Variants in VCAN observed in about 807,000 individuals in gnomAD.
The protein encoded by VCAN is versican.
VCAN carries 44 observed loss-of-function variants against 245.5 expected under a neutral mutation model. The ratio of observed to expected loss-of-function variants is 0.18; its 90% CI spans 0.14 to 0.23. The LOEUF is 0.23. Among genes scored for constraint, VCAN ranks in the 10% least tolerant of loss-of-function variants. The pLI is 1.00. For synonymous variants in VCAN, 1,413 were observed against 1,437.0 expected (o/e 0.98, Z 0.38); for missense variants, 3,793 against 4,057.9 (o/e 0.93, Z 1.77).
rs568846996 is a variant in VCAN at position 83,496,014 on chromosome 5, A to T, written c.748+2083A>T. Among the ~76,000 whole-genome samples the T allele has an allele frequency of 8.9e-4, 135 of 152,292 alleles. 1 individual carries two copies. The highest frequency in any genetic ancestry group is 1.6e-3 in the Non-Finnish European group (111 of 68,022). On this transcript the variant is annotated intron_variant, in intron 5 of 14. Transcript: ENST00000265077. ...AATTCAAAATTATTTTTTCAAGCCC[A>T]GGGAGGGATTTTATAGAAGTCCCAG... is the stretch of plus-strand genomic sequence containing the variant.
chr5:83,550,097 C>T lies in VCAN; in HGVS notation c.9493+2013C>T, dbSNP rs552209061. Among the ~76,000 whole-genome samples the T allele has an allele frequency of 6.6e-4, 101 of 152,308 alleles. 4 individuals carry two copies. The South Asian group carries it at 9.1e-3, about 14-fold the overall frequency. Reference sequence around the variant, plus strand: ...AACAGTAGAGAGGCAGTTCTGGCTGCACAAACTGCCCTTGCCAAAGTCAGT... The same window carrying T: ...AACAGTAGAGAGGCAGTTCTGGCTGTACAAACTGCCCTTGCCAAAGTCAGT... On this transcript the variant is annotated intron_variant, in intron 10 of 14. Transcript: ENST00000265077.
At position 83,538,545 on chromosome 5, in the gene VCAN, A is replaced by G. The variant is rs1242661637; in HGVS notation, c.5542A>G (p.Thr1848Ala). ...GEAAADPETT[T>A]VSSFSLNVEY... ...AGCTGCTGCCGACCCAGAAACCACCACTGTTTCTTCATTTTCATTAAACGT... is the reference window on the plus strand; with the variant it reads ...AGCTGCTGCCGACCCAGAAACCACCGCTGTTTCTTCATTTTCATTAAACGT... The change falls in exon 8 of 15, where the codon ACT (threonine) becomes GCT (alanine). Residue 1848 changes from threonine to alanine, a missense_variant. By Grantham distance (58) the Thr-to-Ala change is moderately conservative. Around this residue, in one of 5 missense-constraint regions of VCAN, gnomAD observed 3,182 missense variants for 3,250.3 expected, o/e 0.98. Coordinates refer to ENST00000265077, the MANE Select transcript of VCAN (RefSeq NM_004385.5). 10 of 1,613,932 alleles carry G rather than the reference A, an allele frequency of 6.2e-6. No homozygotes were observed. Among genetic ancestry groups the G allele is most frequent in the Non-Finnish European group, 8.5e-6 (10 of 1,179,974 alleles).
intron 5 of VCAN, among the ~76,000 whole-genome samples, chr5:83,500,648 T>C (rs1250571778): frequency 6.6e-6 from 1 of 152,152 alleles, no homozygotes; most frequent in Non-Finnish European, 1.5e-5. Context: ...AGATATGCCT[T>C]TTTTCTTCTT....
intron 6 of VCAN, among the ~76,000 whole-genome samples, chr5:83,516,301 A>G (rs893645242): frequency 1.3e-5 from 2 of 152,168 alleles, no homozygotes; most frequent in South Asian, 2.1e-4. Context: ...AAAATTATAT[A>G]TATAGAGTTT....
chr5:83,495,100 GTTAAA>G (rs772826753), intron 5 of VCAN, among the ~76,000 whole-genome samples: 1 of 152,134 alleles, frequency 6.6e-6, no homozygotes, highest in Non-Finnish European at 1.5e-5. Flanking sequence ...AGATAATAGT[GTTAAA>G]TTAAATTATA....
chr5:83,474,664 A>C (rs1200105432), intron 1 of VCAN, among the ~76,000 whole-genome samples: 5 of 151,982 alleles, frequency 3.3e-5, no homozygotes, highest in Non-Finnish European at 5.9e-5. Context: ...ACAGCCGCAC[A>C]GGCGGCCGGC....
Position 83,474,604 on chromosome 5 carries a change from T to C in VCAN, c.-7+2581T>C, listed in dbSNP as rs1744317086. Among the ~76,000 whole-genome samples the C allele has an allele frequency of 2.0e-5, 3 of 152,168 alleles. No homozygotes were observed. The South Asian group carries it at 6.2e-4, about 32-fold the overall frequency. On this transcript the variant is annotated intron_variant, in intron 1 of 14. Transcript: ENST00000265077. ...GCCAGCCGCCACGTGGGTTGGCGCT[T>C]CGGCTCCCAGCCGAGACGGGTGTGA...
intron 5 of VCAN, among the ~76,000 whole-genome samples, chr5:83,509,945 A>C (rs1025295688): frequency 6.6e-6 from 1 of 152,196 alleles, no homozygotes; most frequent in Non-Finnish European, 1.5e-5. Flanking sequence ...AGGGGGAAAA[A>C]AGAGACCTAG....
chr5:83,519,832 C>G lies in VCAN; in HGVS notation c.1526C>G (p.Pro509Arg), dbSNP rs150340554. ...VTSMEILKHI[P>R]SKEFPVTETP... ...TCTATGGAAATCTTAAAGCACATTC[C>G]TTCCAAGGAATTCCCTGTAACTGAA... The change falls in exon 7 of 15, where the codon CCT becomes CGT. Residue 509 changes from proline to arginine, a missense_variant. Around this residue, in one of 5 missense-constraint regions of VCAN, gnomAD observed 3,182 missense variants for 3,250.3 expected, o/e 0.98. Coordinates refer to ENST00000265077, the MANE Select transcript of VCAN (RefSeq NM_004385.5). The G allele has an allele frequency of 2.5e-5, 41 of 1,614,010 alleles. No individual in the cohort carries two copies. The African/African-American group carries it at 4.8e-4, about 19-fold the overall frequency.
Position 83,513,811 on chromosome 5 carries a change from C to T in VCAN, c.1042+1415C>T, listed in dbSNP as rs189155063. Among the ~76,000 whole-genome samples, 14 of 152,280 alleles carry T rather than the reference C, an allele frequency of 9.2e-5. No homozygotes were observed. In the East Asian group the frequency reaches 2.1e-3, roughly 23 times the overall value. Reference sequence around the variant, plus strand: ...AGGCTCTAAAATCAGTTTTACATTACGTGACTGATATAATTAAGGAGCAAA... The same window carrying T: ...AGGCTCTAAAATCAGTTTTACATTATGTGACTGATATAATTAAGGAGCAAA... On this transcript the variant is annotated intron_variant, in intron 6 of 14. Transcript: ENST00000265077.
At chr5:83,524,534 G>A (rs911448875) in intron 7 of VCAN, among the ~76,000 whole-genome samples, 1 of 105,126 alleles carries the variant, frequency 9.5e-6, no homozygotes, top group Non-Finnish European at 1.9e-5. Context: ...CTACCTACCT[G>A]CGTACCTACC....
intron 13 of VCAN, among the ~76,000 whole-genome samples, chr5:83,573,045 G>A (rs533466357): frequency 9.2e-5 from 14 of 151,412 alleles, no homozygotes; most frequent in Non-Finnish European, 1.2e-4. Context: ...GACTACAGGC[G>A]TGCACCATCA....
intron 12 of VCAN, 115 bp from the exon 13 acceptor site, chr5:83,572,300 TA>T: frequency 1.6e-6 from 2 of 1,288,606 alleles, no homozygotes; most frequent in South Asian, 2.4e-5. Context: ...ATTTCAGCTA[TA>T]TGAAACAACA....
chr5:83,518,934 C>A (rs1052316228), intron 6 of VCAN, among the ~76,000 whole-genome samples: 3 of 152,096 alleles, frequency 2.0e-5, no homozygotes, highest in Non-Finnish European at 4.4e-5. Flanking sequence ...ACAGAAGCCT[C>A]CAGAAGAATA....
intron 13 of VCAN, among the ~76,000 whole-genome samples, chr5:83,576,358 A>G (rs772386212): frequency 5.3e-5 from 8 of 151,976 alleles, no homozygotes; most frequent in Non-Finnish European, 7.4e-5. Flanking sequence ...TTTGTTCAGC[A>G]TTATGTTTGT....
At position 83,539,069 on chromosome 5, in the gene VCAN, T is replaced by C. The variant is rs1483552237; in HGVS notation, c.6066T>C (p.Val2022=). Residue 2022 remains valine, a synonymous_variant, in exon 8 of 15, where the codon GTT becomes GTC. Transcript: ENST00000265077. ...GEQLVTVSSS[V]VPVLPSAVQK... ...AACTGGTCACAGTCAGCAGCTCTGT[T>C]GTTCCAGTGCTTCCCAGTGCTGTGC... The C allele has an allele frequency of 6.2e-7, 1 of 1,613,998 alleles. No individual in the cohort carries two copies. Among genetic ancestry groups the C allele is most frequent in the Admixed American group, 1.7e-5 (1 of 59,958 alleles).
At chr5:83,532,579 G>A (rs960188610) in intron 7 of VCAN, among the ~76,000 whole-genome samples, 1 of 151,930 alleles carries the variant, frequency 6.6e-6, no homozygotes, top group Non-Finnish European at 1.5e-5. Context: ...AATCCAGCCA[G>A]GTGCAGCGGT....
chr5:83,563,874 T>G (rs60935572), intron 12 of VCAN, among the ~76,000 whole-genome samples: 3,336 of 152,314 alleles, frequency 0.022, 103 homozygotes, highest in African/African-American at 0.072. Context: ...CTTAGGTGTT[T>G]ATCTATGATC....
At chr5:83,547,945 T>G (rs549685476) in intron 9 of VCAN, 26 bp from the exon 10 acceptor site, 1 of 1,506,414 alleles carries the variant, frequency 6.6e-7, no homozygotes, top group East Asian at 2.3e-5. Flanking sequence ...GAAAGTATTT[T>G]GTGAGCTTTT....
Sources: allele counts gnomAD v4.1 joint callset (sites outside exome capture counted in the v4.1 genomes callset), GRCh38; gene constraint gnomAD v4.1.1; regional missense constraint gnomAD v4.1.1; transcripts MANE v1.5; gene names NCBI Gene and HGNC (gene_info 2026-07-23, HGNC 2026-07-21).